Variants in PRKCE observed in about 807,000 individuals in gnomAD.
PRKCE encodes protein kinase C epsilon, also known as protein kinase C epsilon type.
PRKCE carries 16 observed loss-of-function variants against 85.4 expected under a neutral mutation model. That is an observed-to-expected ratio of 0.19 (90% CI 0.13 to 0.28). The LOEUF is 0.28. Ranked by LOEUF, PRKCE falls within the 10% of genes least tolerant of loss-of-function variation. PRKCE has a pLI of 1.00. For missense variants in PRKCE, 573 were observed against 975.2 expected, an observed-to-expected ratio of 0.59 and a Z score of 5.49; for synonymous variants, 388 against 371.5, an observed-to-expected ratio of 1.04 and a Z score of -0.51.
rs560262202 is a variant in PRKCE, at chr2:46,010,257, C to T, written c.1264-87C>T. On this transcript the variant is annotated intron_variant, in intron 9 of 14. Transcript: ENST00000306156. ...TTAAAATTAAAGAAAAAACAGAATT[C>T]GTTTTTGAAGTATTTGGTATTAGCT... 94 of 1,346,738 alleles carry T rather than the reference C, an allele frequency of 7.0e-5. 1 individual carries two copies. Among genetic ancestry groups the T allele is most frequent in the African/African-American group, 1.0e-4 (7 of 68,492 alleles). 83.4% of individuals were successfully genotyped at this position (1,346,738 alleles called of 1,614,324 possible).
chr2:45,663,777 C>T (rs994260863), intron 1 of PRKCE, among the ~76,000 whole-genome samples: 4 of 150,414 alleles, frequency 2.7e-5, no homozygotes, highest in Non-Finnish European at 5.9e-5. Context: ...AGCGAGACTC[C>T]GTCTCAAAAA....
At position 45,920,583 on chromosome 2, in the gene PRKCE, A is replaced by G. The variant is rs115846172; in HGVS notation, c.413-55846A>G. ...CCATAAAAAGGAATGAAGCACTGACATGGATGACCCTTGATGATATTAAGC... is the reference window on the plus strand; with the variant it reads ...CCATAAAAAGGAATGAAGCACTGACGTGGATGACCCTTGATGATATTAAGC... On this transcript the variant is annotated intron_variant, in intron 2 of 14. Coordinates refer to ENST00000306156, the MANE Select transcript of PRKCE (RefSeq NM_005400.3). Among the ~76,000 whole-genome samples the G allele has an allele frequency of 8.5e-3, 1,294 of 152,384 alleles. 9 individuals carry two copies. The highest frequency in any genetic ancestry group is 0.013 in the Non-Finnish European group (890 of 68,038).
chr2:45,798,457 G>GTGT (rs1687608402), intron 1 of PRKCE, among the ~76,000 whole-genome samples: 1 of 152,118 alleles, frequency 6.6e-6, no homozygotes, highest in Non-Finnish European at 1.5e-5. Context: ...TCCTGTAGGC[G>GTGT]CTAAGGGAGA....
chr2:46,114,439 A>G (rs1418457795), intron 11 of PRKCE, among the ~76,000 whole-genome samples: 3 of 91,310 alleles, frequency 3.3e-5, no homozygotes, highest in Non-Finnish European at 6.0e-5. Flanking sequence ...TTTTTTTGAG[A>G]CAGAGTCTTG....
At chr2:46,151,441 GC>G (rs1189829300) in intron 13 of PRKCE, among the ~76,000 whole-genome samples, 3 of 152,226 alleles carry the variant, frequency 2.0e-5, no homozygotes, top group Non-Finnish European at 4.4e-5. Flanking sequence ...GAGGACTGCT[GC>G]CAAGAGAATG....
At chr2:46,061,436 T>C (rs1165797179) in intron 10 of PRKCE, among the ~76,000 whole-genome samples, 3 of 146,420 alleles carry the variant, frequency 2.0e-5, no homozygotes, top group Middle Eastern at 3.6e-3. Flanking sequence ...TTCTTTTTTT[T>C]CCCCCCTATA....
chr2:45,988,238 C>G (rs1185172471), intron 6 of PRKCE, among the ~76,000 whole-genome samples: 2 of 152,172 alleles, frequency 1.3e-5, no homozygotes, highest in Non-Finnish European at 2.9e-5. Context: ...CATTCCCGTT[C>G]CCATTCCTGG....
At chr2:46,148,317 G>A (rs1574599533) in intron 12 of PRKCE, among the ~76,000 whole-genome samples, 1 of 152,166 alleles carries the variant, frequency 6.6e-6, no homozygotes, top group Admixed American at 6.5e-5. Flanking sequence ...ATCCACTGCC[G>A]ACAGTTAATT....
intron 13 of PRKCE, among the ~76,000 whole-genome samples, chr2:46,156,513 T>A (rs1486211130): frequency 6.6e-6 from 1 of 152,222 alleles, no homozygotes; most frequent in East Asian, 1.9e-4. Context: ...GAGACTCATG[T>A]GTGTGCAAAG....
intron 10 of PRKCE, among the ~76,000 whole-genome samples, chr2:46,044,146 A>C (rs2105021417): frequency 6.6e-6 from 1 of 152,316 alleles, no homozygotes; most frequent in Non-Finnish European, 1.5e-5. Context: ...CTGTGTTCAA[A>C]CCCTGGTTTA....
At chr2:46,086,943 C>T (rs1214092732) in intron 11 of PRKCE, among the ~76,000 whole-genome samples, 14 of 152,220 alleles carry the variant, frequency 9.2e-5, no homozygotes, top group Admixed American at 3.9e-4. Context: ...AAGAAACACA[C>T]GCACGTCCAC....
At chr2:45,696,589 A>G (rs1383263267) in intron 1 of PRKCE, among the ~76,000 whole-genome samples, 1 of 152,162 alleles carries the variant, frequency 6.6e-6, no homozygotes, top group Non-Finnish European at 1.5e-5. Context: ...ACTCAGCTTC[A>G]TCTTTTCACT....
intron 1 of PRKCE, among the ~76,000 whole-genome samples, chr2:45,749,764 A>G (rs1683401602): frequency 6.6e-6 from 1 of 152,188 alleles, no homozygotes; most frequent in Non-Finnish European, 1.5e-5. Context: ...ATTGAACATG[A>G]GTCTGCTTGG....
chr2:45,988,305 G>A (rs1703501925), intron 6 of PRKCE, among the ~76,000 whole-genome samples: 1 of 152,168 alleles, frequency 6.6e-6, no homozygotes, highest in Non-Finnish European at 1.5e-5. Context: ...GGTCTACGAG[G>A]AGGGATCCAT....
chr2:45,921,705 C>T (rs1170092956), intron 2 of PRKCE, among the ~76,000 whole-genome samples: 2 of 152,112 alleles, frequency 1.3e-5, no homozygotes, highest in East Asian at 3.9e-4. Context: ...TTTCCATGTG[C>T]CATTATACAA....
chr2:46,031,375 T>G (rs1268338725), intron 10 of PRKCE, among the ~76,000 whole-genome samples: 1 of 152,222 alleles, frequency 6.6e-6, no homozygotes, highest in Non-Finnish European at 1.5e-5. Context: ...TTGATTGTCC[T>G]GACCTCCCAC....
chr2:45,712,260 G>T (rs776506850), intron 1 of PRKCE, among the ~76,000 whole-genome samples: 3 of 143,834 alleles, frequency 2.1e-5, no homozygotes, highest in Non-Finnish European at 4.5e-5. Flanking sequence ...AGATTCTCCT[G>T]CCTCATCCTC....
intron 1 of PRKCE, among the ~76,000 whole-genome samples, chr2:45,684,351 C>T (rs184555008): frequency 7.2e-5 from 11 of 152,242 alleles, no homozygotes; most frequent in Admixed American, 2.0e-4. Context: ...TCTGAAATGA[C>T]GCTGGGGAGG....
chr2:45,854,962 G>A (rs1048334632), intron 2 of PRKCE, among the ~76,000 whole-genome samples: 2 of 152,202 alleles, frequency 1.3e-5, no homozygotes, highest in African/African-American at 4.8e-5. Flanking sequence ...GAGCTCACCA[G>A]CAGTTAAATA....
Sources: allele counts gnomAD v4.1 joint callset (sites outside exome capture counted in the v4.1 genomes callset), GRCh38; gene constraint gnomAD v4.1.1; transcripts MANE v1.5; gene names NCBI Gene and HGNC (gene_info 2026-07-23, HGNC 2026-07-21).